VANGL1: variants seen among roughly 807,000 people sequenced by gnomAD.
VANGL1 encodes the protein VANGL planar cell polarity protein 1.
In VANGL1, 18 loss-of-function variants were observed where a neutral mutation model predicts 48.4. The ratio of observed to expected loss-of-function variants is 0.37; its 90% CI spans 0.26 to 0.55. The LOEUF (loss-of-function observed/expected upper bound fraction) is 0.55, where lower values mean the gene tolerates loss of function less well. Ranked by LOEUF, VANGL1 falls within the 20% of genes least tolerant of loss-of-function variation. VANGL1 has a pLI of 0.81. For synonymous variants in VANGL1, 257 were observed against 261.8 expected (o/e 0.98, Z 0.18); for missense variants, 667 against 675.8 (o/e 0.99, Z 0.14).
In VANGL1 at chr1:115,697,090, A is replaced by G. The variant is rs1406591213; in HGVS notation, c.*5711A>G. The G allele has an allele frequency of 6.6e-6, 1 of 152,190 alleles. No individual in the cohort carries two copies. The highest frequency in any genetic ancestry group is 1.5e-5 in the Non-Finnish European group (1 of 68,032). The allele number at this position is 152,190 out of a possible 1,614,324, so 9.4% of individuals were successfully genotyped here. On this transcript the variant is annotated 3_prime_UTR_variant, in exon 8 of 8. Transcript: ENST00000355485. ...TCATCATTTAGGAGTGTTTAATTCT[A>G]AAAAGCCTTCAGCCTAAGAAAGCTT...
At chr1:115,667,009 A>C (rs1445713170) in intron 4 of VANGL1, among the ~76,000 whole-genome samples, 2 of 152,210 alleles carry the variant, frequency 1.3e-5, no homozygotes, top group African/African-American at 4.8e-5. Flanking sequence ...CCTTTTGTAA[A>C]GTGTAGAAAC....
At chr1:115,679,178 A>G (rs1159323327) in intron 4 of VANGL1, among the ~76,000 whole-genome samples, 1 of 152,216 alleles carries the variant, frequency 6.6e-6, no homozygotes, top group Non-Finnish European at 1.5e-5. Context: ...CTTCAGCTCC[A>G]GCATTGGCTT....
rs1435192331 is a variant in VANGL1 at position 115,693,665 on chromosome 1, CAAAAT to C, written c.*2292_*2296del. ...TATTGAGTTCTTTTTGAAAGAATAA[CAAAAT>C]AAAATGCAGGATCTTTGTAAAGCCT... On this transcript the variant is annotated 3_prime_UTR_variant, in exon 8 of 8. Transcript: ENST00000355485. 1.3e-5 allele frequency: 2 copies of C among 152,048 alleles called. No homozygotes were observed. The highest frequency in any genetic ancestry group is 6.6e-5 in the Admixed American group (1 of 15,250). 9.4% of individuals were successfully genotyped at this position (152,048 alleles called of 1,614,324 possible).
At chr1:115,686,775 A>T (rs949663159) in intron 7 of VANGL1, among the ~76,000 whole-genome samples, 1 of 152,200 alleles carries the variant, frequency 6.6e-6, no homozygotes, top group Non-Finnish European at 1.5e-5. Flanking sequence ...TAATAATAGC[A>T]ATTTAGTCTG....
intron 2 of VANGL1, among the ~76,000 whole-genome samples, chr1:115,654,033 A>T (rs1443294190): frequency 6.6e-6 from 1 of 152,054 alleles, no homozygotes; most frequent in Non-Finnish European, 1.5e-5. Flanking sequence ...CTGGGGCCTA[A>T]AGGATGTTAA....
Position 115,651,470 on chromosome 1 carries a change from A to G in VANGL1, c.57A>G (p.Lys19=), listed in dbSNP as rs1224972067. ...CTTACTATTCAAGTCATTCGAAAAAATCTCACAGACAAGGGTATGTAAGTT... is the reference window on the plus strand; with the variant it reads ...CTTACTATTCAAGTCATTCGAAAAAGTCTCACAGACAAGGGTATGTAAGTT... ...GYSYYSSHSK[K]SHRQGERTRE... is the part of the protein sequence containing the mutation. Residue 19 remains lysine, a synonymous_variant, in exon 2 of 8, where the codon AAA becomes AAG. Coordinates refer to ENST00000355485, the MANE Select transcript of VANGL1 (RefSeq NM_138959.3). The G allele has an allele frequency of 8.1e-6, 13 of 1,613,928 alleles. No individual in the cohort carries two copies. The highest frequency in any genetic ancestry group is 1.0e-5 in the Non-Finnish European group (12 of 1,179,958).
intron 4 of VANGL1, among the ~76,000 whole-genome samples, 189 bp downstream of exon 4, chr1:115,664,457 T>C (rs926338343): frequency 5.3e-5 from 8 of 152,160 alleles, no homozygotes; most frequent in Admixed American, 1.3e-4. Context: ...GACTTCTAGA[T>C]GGTGCGGGGC....
chr1:115,654,296 A>G (rs969318582), intron 2 of VANGL1, among the ~76,000 whole-genome samples: 1 of 151,802 alleles, frequency 6.6e-6, no homozygotes, highest in Non-Finnish European at 1.5e-5. Flanking sequence ...ATCTTAGAAG[A>G]CTGGCCAGGT....
chr1:115,694,408 G>A lies in VANGL1; in HGVS notation c.*3029G>A. ...TGTTGTAGTTCATTGCCTGGGGCTT[G>A]GGACTCCTTTTTTAATGGAGAGACT... On this transcript the variant is annotated 3_prime_UTR_variant, in exon 8 of 8. Coordinates refer to ENST00000355485, the MANE Select transcript of VANGL1 (RefSeq NM_138959.3). 1 of 152,346 alleles carries A rather than the reference G, an allele frequency of 6.6e-6. No homozygotes were observed. 9.4% of individuals were successfully genotyped at this position (152,346 alleles called of 1,614,324 possible). A position where few individuals can be genotyped will look rare whatever the true frequency, so the allele number is the denominator to read the frequency against.
intron 1 of VANGL1, among the ~76,000 whole-genome samples, chr1:115,650,991 G>A (rs970283517): frequency 6.6e-6 from 1 of 152,124 alleles, no homozygotes; most frequent in African/African-American, 2.4e-5. Flanking sequence ...CCTAAAGCCA[G>A]TGAGCAGGGG....
chr1:115,653,864 G>A (rs1652244190), intron 2 of VANGL1, among the ~76,000 whole-genome samples: 1 of 152,184 alleles, frequency 6.6e-6, no homozygotes, highest in African/African-American at 2.4e-5. Flanking sequence ...TGAGAGAGGA[G>A]ATGAACCTTA....
rs772109774 is a variant in VANGL1, at chr1:115,691,151, C to T, written c.1347C>T (p.Pro449=). 24 of 1,614,078 alleles carry T rather than the reference C, an allele frequency of 1.5e-5. No individual in the cohort carries two copies. Among genetic ancestry groups the T allele is most frequent in the Admixed American group, 1.0e-4 (6 of 60,008 alleles). ...AFLERYLSAG[P]TLQYDKDRWL... ...TAGAACGGTACCTCAGTGCGGGCCC[C>T]ACCCTGCAATATGACAAGGACCGCT... is the stretch of plus-strand genomic sequence containing the variant. The change falls in exon 8 of 8, where the codon CCC becomes CCT. Residue 449 remains proline (P), a synonymous_variant. Transcript: ENST00000355485.
intron 2 of VANGL1, among the ~76,000 whole-genome samples, chr1:115,652,669 T>C (rs1421465916): frequency 6.6e-6 from 1 of 152,144 alleles, no homozygotes; most frequent in Non-Finnish European, 1.5e-5. Flanking sequence ...GTGATTGTAG[T>C]GGTTTTTCCC....
intron 4 of VANGL1, among the ~76,000 whole-genome samples, chr1:115,674,231 T>C (rs751750477): frequency 2.0e-5 from 3 of 152,174 alleles, no homozygotes; most frequent in Non-Finnish European, 4.4e-5. Flanking sequence ...TTGCCCCCAC[T>C]GTGGATTCCT....
chr1:115,644,702 T>C (rs1378521384), intron 1 of VANGL1, among the ~76,000 whole-genome samples: 1 of 152,188 alleles, frequency 6.6e-6, no homozygotes, highest in African/African-American at 2.4e-5. Flanking sequence ...TTCTGAAGTT[T>C]AAATATCTGG....
At chr1:115,670,912 G>A (rs1460472078) in intron 4 of VANGL1, 1 of 152,440 alleles carries the variant, frequency 6.6e-6, no homozygotes, top group African/African-American at 2.4e-5. Flanking sequence ...CTCAGGCCAT[G>A]CTTTGCTGTG....
intron 2 of VANGL1, among the ~76,000 whole-genome samples, chr1:115,658,020 C>T (rs947951137): frequency 6.6e-6 from 1 of 152,198 alleles, no homozygotes; most frequent in African/African-American, 2.4e-5. Flanking sequence ...GATCCAGACA[C>T]CTCTCACCAG....
chr1:115,657,967 C>G (rs190643853), intron 2 of VANGL1, among the ~76,000 whole-genome samples: 6 of 152,208 alleles, frequency 3.9e-5, no homozygotes, highest in African/African-American at 1.2e-4. Context: ...AACTCACTCA[C>G]TATCGTGAAG....
Position 115,697,541 on chromosome 1 carries a change from G to T in VANGL1, c.*6162G>T, listed in dbSNP as rs1035578210. ...GGATGCCAGCAAAGATGAGGGTGGG[G>T]GCAGATACTGGCTCAGTGATTTAAC... On this transcript the variant is annotated 3_prime_UTR_variant, in exon 8 of 8. Coordinates refer to ENST00000355485, the MANE Select transcript of VANGL1 (RefSeq NM_138959.3). 2 of 152,144 alleles carry T rather than the reference G, an allele frequency of 1.3e-5. No homozygotes were observed. The highest frequency in any genetic ancestry group is 4.8e-5 in the African/African-American group (2 of 41,422). The allele number at this position is 152,144 out of a possible 1,614,324, so 9.4% of individuals were successfully genotyped here. A position where few individuals can be genotyped will look rare whatever the true frequency, so the allele number is the denominator to read the frequency against.
Sources: gnomAD v4.1 joint callset for allele counts (sites outside exome capture counted in the v4.1 genomes callset) on GRCh38, gnomAD v4.1.1 for gene constraint, MANE v1.5 for transcripts, NCBI Gene and HGNC (gene_info 2026-07-23, HGNC 2026-07-21) for gene names.